The following C19orf81 variants were observed in gnomAD, a reference collection of about 807,000 sequenced individuals.
C19orf81 encodes chromosome 19 open reading frame 81, also known as putative uncharacterized protein C19orf81.
A neutral mutation model predicts 22.1 loss-of-function variants in C19orf81; 19 were observed. That is an observed-to-expected ratio of 0.86 (90% confidence interval 0.60 to 1.26). The LOEUF is 1.26. C19orf81 is among the 50% of genes most tolerant of loss of function. The pLI, the probability that C19orf81 is intolerant of heterozygous loss-of-function variation, is 0.00. For missense variants in C19orf81, 287 were observed against 280.7 expected (o/e 1.02, Z -0.16); for synonymous variants, 108 against 113.1 (o/e 0.95, Z 0.29).
chr19:50,655,940 A>C, intron 1 of C19orf81, 110 bp from the exon 2 acceptor site: 1 of 1,029,712 alleles, frequency 9.7e-7, no homozygotes, highest in Non-Finnish European at 1.4e-6. Flanking sequence ...AACATCTGGC[A>C]TACAAGCTAT....
At chr19:50,653,018 G>A (rs564466428) in intron 1 of C19orf81, among the ~76,000 whole-genome samples, 3 of 152,154 alleles carry the variant, frequency 2.0e-5, no homozygotes, top group African/African-American at 4.8e-5. Flanking sequence ...AGGATGCAAT[G>A]GAAAGTATTT....
chr19:50,659,213 G>T lies in C19orf81; in HGVS notation c.*71G>T. On this transcript the variant is annotated 3_prime_UTR_variant, in exon 5 of 5. Transcript: ENST00000425202. The stretch of plus-strand genomic sequence containing the variant: ...GGGGCCACCCACCCGGAGCCCCGGA[G>T]GACAGGGGGCGTTGCCTTCCCAGGA... 1 of 1,225,414 alleles carries T rather than the reference G, an allele frequency of 8.2e-7. No homozygotes were observed. Among genetic ancestry groups the T allele is most frequent in the Non-Finnish European group, 1.0e-6 (1 of 971,612 alleles). 75.9% of individuals were successfully genotyped at this position (1,225,414 alleles called of 1,614,324 possible).
rs1215173706 is a variant in C19orf81, at chr19:50,659,096, G to A, written c.551G>A (p.Arg184Gln). 4.7e-6 allele frequency: 7 copies of A among 1,497,340 alleles called. No individual in the cohort carries two copies. Among genetic ancestry groups the A allele is most frequent in the Admixed American group, 2.1e-5 (1 of 47,700 alleles). 92.8% of individuals were successfully genotyped at this position (1,497,340 alleles called of 1,614,324 possible). ...RLHLRRSLVR[R>Q]RMLEALGAEP... is the part of the protein sequence containing the mutation. ...CACCTGCGCCGCTCCCTGGTCCGGC[G>A]GCGCATGCTCGAGGCCCTGGGGGCG... The change falls in exon 5 of 5, where the codon CGG becomes CAG. Residue 184 changes from arginine (R) to glutamine (Q), a missense_variant. Transcript: ENST00000425202.
intron 4 of C19orf81, 24 bp downstream of exon 4, chr19:50,658,152 C>A: frequency 6.6e-7 from 1 of 1,525,634 alleles, no homozygotes; most frequent in Non-Finnish European, 8.8e-7. Context: ...GGGGGCGGGG[C>A]CTGGAGCGAG....
intron 1 of C19orf81, among the ~76,000 whole-genome samples, chr19:50,650,069 C>T (rs1227832941): frequency 6.6e-6 from 1 of 152,152 alleles, no homozygotes; most frequent in South Asian, 2.1e-4. Flanking sequence ...CCTCCCTGGT[C>T]CCCAGTTTCT....
intron 1 of C19orf81, among the ~76,000 whole-genome samples, chr19:50,651,357 C>A (rs2123037410): frequency 6.6e-6 from 1 of 152,324 alleles, no homozygotes; most frequent in South Asian, 2.1e-4. Context: ...TAAATACCTT[C>A]TTATTCTTTA....
intron 1 of C19orf81, among the ~76,000 whole-genome samples, chr19:50,654,644 GTCTC>G (rs748682693): frequency 1.6e-5 from 2 of 125,464 alleles, no homozygotes; most frequent in South Asian, 2.6e-4. Context: ...CTCTCTTTCT[GTCTC>G]TCTTTCTCCC....
intron 4 of C19orf81, chr19:50,658,383 T>TGGG (rs58172623): frequency 2.5e-5 from 2 of 80,480 alleles, no homozygotes; most frequent in African/African-American, 1.0e-4. Flanking sequence ...AGTGACAGCT[T>TGGG]GGGGGGGCGG....
chr19:50,656,244 G>T lies in C19orf81; in HGVS notation c.159G>T (p.Gln53His). Residue 53 changes from glutamine (Q) to histidine (H), a missense_variant, in exon 3 of 5, where the codon CAG (glutamine) becomes CAT (histidine). Gln to His is a conservative substitution (Grantham distance 24). Transcript: ENST00000425202. The part of the protein sequence containing the change: ...PIKSSKQYLR[Q>H]VIAEYEALDR... The stretch of plus-strand genomic sequence containing the variant: ...TCCCTAGAAAGCAGTACCTGCGGCA[G>T]GTCATTGCAGAGTACGAGGCACTGG... The T allele has an allele frequency of 1.3e-6, 2 of 1,536,102 alleles. No homozygotes were observed. The highest frequency in any genetic ancestry group is 1.7e-6 in the Non-Finnish European group (2 of 1,146,872).
intron 3 of C19orf81, 80 bp downstream of exon 3, chr19:50,656,426 CAG>C: frequency 6.9e-7 from 1 of 1,453,130 alleles, no homozygotes; most frequent in Non-Finnish European, 9.1e-7. Flanking sequence ...GCAGTGTGGC[CAG>C]AGTTTAAATT....
In C19orf81 at chr19:50,655,068, A is replaced by C. The variant is rs190548124; in HGVS notation, c.68-982A>C. ...GTAATCTTTTAAGCAAATGACTCCAAAGTTACACCTCTCACTCCAGCTAAC... is the reference window on the plus strand; with the variant it reads ...GTAATCTTTTAAGCAAATGACTCCACAGTTACACCTCTCACTCCAGCTAAC... On this transcript the variant is annotated intron_variant, in intron 1 of 4. Coordinates refer to ENST00000425202, the MANE Select transcript of C19orf81 (RefSeq NM_001195076.2). 1.9e-3 allele frequency among the ~76,000 whole-genome samples: 294 copies of C among 152,268 alleles called. 3 individuals carry two copies. The highest frequency in any genetic ancestry group is 6.8e-3 in the African/African-American group (284 of 41,532).
chr19:50,649,713 C>T, intron 1 of C19orf81: 1 of 689,880 alleles, frequency 1.4e-6, no homozygotes, highest in Non-Finnish European at 2.6e-6. Context: ...TCTGCAGTTC[C>T]TTGGCCAATG....
chr19:50,653,610 A>G (rs1984924573), intron 1 of C19orf81, among the ~76,000 whole-genome samples: 1 of 151,388 alleles, frequency 6.6e-6, no homozygotes, highest in Non-Finnish European at 1.5e-5. Flanking sequence ...GCCCGTTGTG[A>G]AACATATACC....
chr19:50,649,701 C>A (rs1355748551), intron 1 of C19orf81, 190 bp downstream of exon 1: 5 of 710,448 alleles, frequency 7.0e-6, no homozygotes, highest in East Asian at 2.8e-5. Flanking sequence ...TTCCCATGAG[C>A]CTCTGCAGTT....
chr19:50,650,688 A>C (rs775451431), intron 1 of C19orf81, among the ~76,000 whole-genome samples: 1 of 152,148 alleles, frequency 6.6e-6, no homozygotes, highest in Non-Finnish European at 1.5e-5. Flanking sequence ...AAAACAAACA[A>C]ACAAACAAAC....
intron 3 of C19orf81, among the ~76,000 whole-genome samples, chr19:50,656,755 T>C (rs1421899110): frequency 1.3e-5 from 2 of 152,004 alleles, no homozygotes; most frequent in African/African-American, 4.8e-5. Context: ...AGTTTGAGAC[T>C]AGCCTGGCTA....
intron 3 of C19orf81, 110 bp from the exon 4 acceptor site, chr19:50,657,879 C>A: frequency 7.2e-7 from 1 of 1,381,714 alleles, no homozygotes; most frequent in Non-Finnish European, 9.5e-7. Context: ...CCCTCAAATG[C>A]CACCTGGAAC....
chr19:50,651,465 C>T (rs1323868768), intron 1 of C19orf81, among the ~76,000 whole-genome samples: 1 of 152,194 alleles, frequency 6.6e-6, no homozygotes, highest in African/African-American at 2.4e-5. Flanking sequence ...TTCATTGAAA[C>T]ACACATTGCC....
At chr19:50,656,943 C>T (rs1022905064) in intron 3 of C19orf81, among the ~76,000 whole-genome samples, 2 of 126,708 alleles carry the variant, frequency 1.6e-5, no homozygotes, top group African/African-American at 3.2e-5. Flanking sequence ...CAAAGTGAGA[C>T]TCTGTCAAAA....
Sources: gnomAD v4.1 joint callset for allele counts (sites outside exome capture counted in the v4.1 genomes callset) on GRCh38, gnomAD v4.1.1 for gene constraint, MANE v1.5 for transcripts, NCBI Gene and HGNC (gene_info 2026-07-23, HGNC 2026-07-21) for gene names.